The following ZNF808 variants were observed in gnomAD, a reference collection of about 807,000 sequenced individuals.
ZNF808 encodes zinc finger protein 808.
In ZNF808, 5 loss-of-function variants were observed where a neutral mutation model predicts 8.7. That is an observed-to-expected ratio of 0.58 (90% confidence interval 0.30 to 1.21). The LOEUF (loss-of-function observed/expected upper bound fraction) is 1.21. Among genes scored for constraint, ZNF808 ranks in the 50% most tolerant of loss-of-function variants. The pLI, the probability that ZNF808 is intolerant of heterozygous loss-of-function variation, is 0.07. For missense variants in ZNF808, 1,103 were observed against 1,098.4 expected (o/e 1.00, Z -0.06); for synonymous variants, 380 against 366.0 (o/e 1.04, Z -0.44).
chr19:52,540,920 A>G (rs1036977404), intron 2 of ZNF808, among the ~76,000 whole-genome samples: 1 of 152,108 alleles, frequency 6.6e-6, no homozygotes, highest in Non-Finnish European at 1.5e-5. Flanking sequence ...TCGTTTGCTC[A>G]GGTATATAAG....
chr19:52,565,300 G>A (rs2059870494), downstream of ZNF808, among the ~76,000 whole-genome samples: 1 of 151,988 alleles, frequency 6.6e-6, no homozygotes, highest in Non-Finnish European at 1.5e-5. Flanking sequence ...AACAATATCA[G>A]TGTGTCAAAG....
intron 3 of ZNF808, among the ~76,000 whole-genome samples, chr19:52,544,779 T>C (rs534668502): frequency 4.5e-4 from 68 of 152,278 alleles, no homozygotes; most frequent in African/African-American, 1.5e-3. Context: ...GACAGCCAGC[T>C]TGGCTGGACT....
intron 1 of ZNF808, among the ~76,000 whole-genome samples, chr19:52,531,394 G>C (rs2059560665): frequency 6.6e-6 from 1 of 151,972 alleles, no homozygotes; most frequent in Non-Finnish European, 1.5e-5. Flanking sequence ...AGAATTGCTT[G>C]AACCTGGGAG....
downstream of ZNF808, among the ~76,000 whole-genome samples, chr19:52,559,937 C>G (rs2059850949): frequency 6.6e-6 from 1 of 152,072 alleles, no homozygotes; most frequent in Non-Finnish European, 1.5e-5. Context: ...TGGATAAGCC[C>G]ATGGTTTATG....
Position 52,544,336 on chromosome 19 carries a change from A to G in ZNF808, c.63+989A>G, listed in dbSNP as rs562576886. Reference sequence around the variant, plus strand: ...CCATATGTATGTGTGTATATTATGTATGTATTTATTTATTTTAAGATGGAG... The same window carrying G: ...CCATATGTATGTGTGTATATTATGTGTGTATTTATTTATTTTAAGATGGAG... On this transcript the variant is annotated intron_variant, in intron 3 of 4. Transcript: ENST00000359798. Among the ~76,000 whole-genome samples the G allele has an allele frequency of 4.3e-4, 66 of 152,112 alleles. 1 individual carries two copies. Among genetic ancestry groups the G allele is most frequent in the Admixed American group, 1.6e-3 (25 of 15,250 alleles).
At chr19:52,551,569 T>C (rs1290471264) in intron 4 of ZNF808, among the ~76,000 whole-genome samples, 3 of 152,182 alleles carry the variant, frequency 2.0e-5, no homozygotes, top group Non-Finnish European at 4.4e-5. Flanking sequence ...TTGTTTAGAA[T>C]TCTGCGGGCT....
intron 2 of ZNF808, among the ~76,000 whole-genome samples, chr19:52,536,977 C>T (rs889279743): frequency 2.0e-5 from 3 of 148,612 alleles, no homozygotes; most frequent in Non-Finnish European, 3.0e-5. Context: ...ACCTGAGATC[C>T]GGAGTTCGAG....
chr19:52,567,800 C>T (rs953360726), downstream of ZNF808, among the ~76,000 whole-genome samples: 8 of 151,986 alleles, frequency 5.3e-5, no homozygotes, highest in Non-Finnish European at 2.9e-5. Flanking sequence ...GCTGGGATTA[C>T]AGGCTTGAGC....
chr19:52,537,102 C>G (rs1402687266), intron 2 of ZNF808, among the ~76,000 whole-genome samples: 3 of 152,060 alleles, frequency 2.0e-5, no homozygotes, highest in Non-Finnish European at 2.9e-5. Flanking sequence ...CAGAGAATCG[C>G]TTGAACTTGG....
downstream of ZNF808, chr19:52,556,701 T>G (rs1225986263): frequency 1.3e-5 from 2 of 151,878 alleles, no homozygotes; most frequent in African/African-American, 4.8e-5. Flanking sequence ...GAGCTTGCAG[T>G]AAGCCCAGAT....
intron 4 of ZNF808, 82 bp downstream of exon 4, chr19:52,547,720 T>G: frequency 6.4e-7 from 1 of 1,563,938 alleles, no homozygotes; most frequent in South Asian, 1.2e-5. Context: ...TCTTTTGTGA[T>G]TTTGCCCCAT....
intron 1 of ZNF808, among the ~76,000 whole-genome samples, chr19:52,531,801 A>G (rs2059564218): frequency 6.6e-6 from 1 of 152,212 alleles, no homozygotes; most frequent in Admixed American, 6.5e-5. Flanking sequence ...TATATATAAA[A>G]TTGCTGTATT....
intron 2 of ZNF808, among the ~76,000 whole-genome samples, chr19:52,542,123 C>T (rs1318839513): frequency 1.3e-5 from 2 of 149,620 alleles, no homozygotes; most frequent in African/African-American, 2.5e-5. Context: ...GACGAATTTT[C>T]ACTCTTGTGG....
intron 4 of ZNF808, among the ~76,000 whole-genome samples, chr19:52,551,873 T>C (rs2059780320): frequency 1.3e-5 from 2 of 151,990 alleles, no homozygotes; most frequent in Non-Finnish European, 1.5e-5. Context: ...TGTAGTGGTG[T>C]GTGCCTGTAA....
chr19:52,528,265 C>A (rs1236130115), intron 1 of ZNF808, among the ~76,000 whole-genome samples: 1 of 152,146 alleles, frequency 6.6e-6, no homozygotes, highest in Non-Finnish European at 1.5e-5. Flanking sequence ...GGACGCAGGG[C>A]CCTGTCCTGT....
chr19:52,536,679 C>G (rs1311987418), intron 2 of ZNF808, among the ~76,000 whole-genome samples: 1 of 152,088 alleles, frequency 6.6e-6, no homozygotes, highest in African/African-American at 2.4e-5. Context: ...GTGTCTTACC[C>G]CAAACCCGCA....
Position 52,554,392 on chromosome 19 carries a change from C to T in ZNF808, c.1476C>T (p.Phe492=), listed in dbSNP as rs780694379. 14 of 1,613,688 alleles carry T rather than the reference C, an allele frequency of 8.7e-6. No homozygotes were observed. The African/African-American group carries it at 1.3e-4, about 15-fold the overall frequency. Residue 492 remains phenylalanine, a synonymous_variant, in exon 5 of 5, where the codon TTC becomes TTT. Coordinates refer to ENST00000359798, the MANE Select transcript of ZNF808 (RefSeq NM_001039886.4). ...TYKCNECRKT[F]SRRSSLLCHR... is the part of the protein sequence containing the mutation. ...AGTGTAATGAGTGTCGCAAGACCTT[C>T]AGCCGCAGGTCATCCCTTCTATGCC...
chr19:52,558,017 CTTT>C (rs66789100), downstream of ZNF808, among the ~76,000 whole-genome samples: 32 of 46,358 alleles, frequency 6.9e-4, no homozygotes, highest in East Asian at 8.4e-3. Context: ...CTAGGTGTGG[CTTT>C]TTTTTTTTTT....
At chr19:52,533,843 C>A (rs34428892) in intron 2 of ZNF808, among the ~76,000 whole-genome samples, 8,471 of 31,780 alleles carry the variant, frequency 0.27, 1,592 homozygotes, top group East Asian at 0.44. Flanking sequence ...ACTCCGTCTC[C>A]AAAAAAAAAA....
Sources: allele counts gnomAD v4.1 joint callset (sites outside exome capture counted in the v4.1 genomes callset), GRCh38; gene constraint gnomAD v4.1.1; transcripts MANE v1.5; gene names NCBI Gene and HGNC (gene_info 2026-07-23, HGNC 2026-07-21).